TRAFD1: variants seen among roughly 807,000 people sequenced by gnomAD.
The protein encoded by TRAFD1 is TRAF-type zinc finger domain containing 1, also known as TRAF-type zinc finger domain-containing protein 1.
A neutral mutation model predicts 65.3 loss-of-function variants in TRAFD1; 38 were observed. That is an observed-to-expected ratio of 0.58 (90% CI 0.45 to 0.76). TRAFD1 has a LOEUF of 0.76. Ranked by LOEUF, TRAFD1 falls within the 30% of genes least tolerant of loss-of-function variation. The pLI is 0.00. For synonymous variants in TRAFD1, 223 were observed against 257.2 expected (o/e 0.87, Z 1.27); for missense variants, 631 against 712.6 (o/e 0.89, Z 1.30).
In TRAFD1 at chr12:112,152,904, G is replaced by C. The variant is rs73207616; in HGVS notation, c.*113G>C. 7.0e-6 allele frequency: 9 copies of C among 1,287,224 alleles called. No homozygotes were observed. The highest frequency in any genetic ancestry group is 1.5e-5 in the African/African-American group (1 of 66,614). The allele number at this position is 1,287,224 out of a possible 1,614,324, so 79.7% of individuals were successfully genotyped here. A position where few individuals can be genotyped will look rare whatever the true frequency, so the allele number is the denominator to read the frequency against. On this transcript the variant is annotated 3_prime_UTR_variant, in exon 12 of 12. Coordinates refer to ENST00000412615, the MANE Select transcript of TRAFD1 (RefSeq NM_006700.3). The surrounding 1 kb of genome is among the most constrained non-coding windows in gnomAD (Gnocchi z 5.0). ...GGTGGGAGAGTTTTTCCAGATTTTA[G>C]ATTTTTCTAGGTTATGGCCATTTTG...
At position 112,151,916 on chromosome 12, in the gene TRAFD1, A is replaced by G. The variant is rs764020380; in HGVS notation, c.1395A>G (p.Leu465=). ...ATATGACAGCTACCTATAACCAGCT[A>G]TCGAGATCAACATCAGGCCCCAGAC... The part of the protein sequence containing the change: ...INNMTATYNQ[L]SRSTSGPRPG... Residue 465 remains leucine, a synonymous_variant, in exon 10 of 12, where the codon CTA becomes CTG. Coordinates refer to ENST00000412615, the MANE Select transcript of TRAFD1 (RefSeq NM_006700.3). The G allele has an allele frequency of 9.9e-6, 16 of 1,614,096 alleles. No homozygotes were observed. In the Admixed American group the frequency reaches 1.8e-4, roughly 18 times the overall value.
At chr12:112,147,639 T>G (rs1211935093) in intron 7 of TRAFD1, among the ~76,000 whole-genome samples, 2 of 152,176 alleles carry the variant, frequency 1.3e-5, no homozygotes, top group African/African-American at 2.4e-5. Flanking sequence ...TCCTCTTTTT[T>G]GTTCCTCTTT....
chr12:112,149,334 C>G (rs185003459), intron 8 of TRAFD1: 2 of 160,718 alleles, frequency 1.2e-5, no homozygotes, highest in Admixed American at 1.2e-4. Flanking sequence ...AATAAATACT[C>G]TGGTGAGAGT....
intron 1 of TRAFD1, among the ~76,000 whole-genome samples, chr12:112,127,511 G>A (rs1033445999): frequency 2.6e-5 from 4 of 152,112 alleles, no homozygotes. Context: ...CCCGGCTGGA[G>A]TGCAGTGGTG....
rs879762388 is a variant in TRAFD1 at position 112,129,439 on chromosome 12, G to A, written c.-12-1072G>A. Among the ~76,000 whole-genome samples the A allele has an allele frequency of 1.2e-3, 188 of 151,906 alleles. 2 individuals are homozygous for A. Among genetic ancestry groups the A allele is most frequent in the Non-Finnish European group, 5.9e-4 (40 of 67,930 alleles). On this transcript the variant is annotated intron_variant, in intron 1 of 11. Transcript: ENST00000412615. The stretch of plus-strand genomic sequence containing the variant: ...TGATCTTAAACTCCTGGGTTCAAGC[G>A]ATCCTCTTCAGCTCAGCCTCCCAAA...
At chr12:112,149,268 A>AG (rs2030337126) in intron 8 of TRAFD1, 3 of 152,518 alleles carry the variant, frequency 2.0e-5, no homozygotes, top group Non-Finnish European at 4.4e-5. Flanking sequence ...TTGGGATCAA[A>AG]CAGTAGATAA....
chr12:112,144,747 G>A (rs573887271), intron 6 of TRAFD1, among the ~76,000 whole-genome samples: 3 of 152,108 alleles, frequency 2.0e-5, no homozygotes, highest in Non-Finnish European at 4.4e-5. Flanking sequence ...GCTAGGCATG[G>A]TGGCACACAC....
chr12:112,139,792 A>T (rs990020646), intron 4 of TRAFD1, among the ~76,000 whole-genome samples: 13 of 151,646 alleles, frequency 8.6e-5, no homozygotes, highest in Admixed American at 7.2e-4. Context: ...TGAGGATGGG[A>T]GTTTGAGACC....
chr12:112,130,946 G>A lies in TRAFD1; in HGVS notation c.47+377G>A, dbSNP rs2079564065. On this transcript the variant is annotated intron_variant, in intron 2 of 11. Transcript: ENST00000412615. This position sits in a 1 kb window ranked among gnomAD's most constrained non-coding sequence, Gnocchi z 4.4. ...TGTGCTATGTTTACCTTAGCAAACT[G>A]TGGTAGAAAGAGATGTGGAATAAGG... Among the ~76,000 whole-genome samples, 2 of 152,318 alleles carry A rather than the reference G, an allele frequency of 1.3e-5. 1 individual carries two copies. The highest frequency in any genetic ancestry group is 4.8e-5 in the African/African-American group (2 of 41,570).
chr12:112,140,734 A>C, intron 4 of TRAFD1, 85 bp from the exon 5 acceptor site: 1 of 1,487,808 alleles, frequency 6.7e-7, no homozygotes, highest in East Asian at 2.3e-5. Flanking sequence ...AGATTGCAGT[A>C]GATACTCTTG....
At chr12:112,149,647 A>G (rs1159697408) in intron 8 of TRAFD1, 104 bp from the exon 9 acceptor site, 2 of 1,486,566 alleles carry the variant, frequency 1.3e-6, no homozygotes, top group Non-Finnish European at 1.8e-6. Context: ...GAGGTTGTCA[A>G]AGTCCCCCTC....
In TRAFD1 at chr12:112,151,834, A is replaced by G; in HGVS notation, c.1313A>G (p.Lys438Arg). Reference sequence around the variant, plus strand: ...TCTTCTGGTTACCTGGATGATACTAAGCAGGAAACAGCTAATGGGCCCACC... The same window carrying G: ...TCTTCTGGTTACCTGGATGATACTAGGCAGGAAACAGCTAATGGGCCCACC... ...DLSSGYLDDT[K>R]QETANGPTSC... is the part of the protein sequence containing the mutation. The change falls in exon 10 of 12, where the codon AAG becomes AGG. Residue 438 changes from lysine (K) to arginine (R), a missense_variant. Transcript: ENST00000412615. 2 of 1,614,158 alleles carry G rather than the reference A, an allele frequency of 1.2e-6. No individual in the cohort carries two copies. Among genetic ancestry groups the G allele is most frequent in the South Asian group, 1.1e-5 (1 of 91,084 alleles).
Position 112,142,135 on chromosome 12 carries a change from C to T in TRAFD1, c.690C>T (p.Pro230=). ...RQERNRGQQP[P]KEGGEESANL... is the part of the protein sequence containing the mutation. ...AAAGGAATAGAGGCCAACAGCCCCCCAAAGAGGGTGGTGAAGAGAGTGCAA... is the reference window on the plus strand; with the variant it reads ...AAAGGAATAGAGGCCAACAGCCCCCTAAAGAGGGTGGTGAAGAGAGTGCAA... Residue 230 remains proline, a synonymous_variant, in exon 6 of 12, where the codon CCC becomes CCT. Transcript: ENST00000412615. The T allele has an allele frequency of 6.2e-7, 1 of 1,613,904 alleles. No homozygotes were observed.
chr12:112,142,798 T>C (rs1263910204), intron 6 of TRAFD1, among the ~76,000 whole-genome samples: 2 of 152,224 alleles, frequency 1.3e-5, no homozygotes, highest in African/African-American at 4.8e-5. Context: ...TAAAATGTTA[T>C]GTGTTCAAAC....
intron 1 of TRAFD1, among the ~76,000 whole-genome samples, chr12:112,129,111 A>G (rs1211299187): frequency 6.6e-6 from 1 of 151,750 alleles, no homozygotes; most frequent in Admixed American, 6.6e-5. Flanking sequence ...TCCCAAATCA[A>G]AGGAGATTAA....
chr12:112,148,759 A>G (rs2030323622), intron 8 of TRAFD1, among the ~76,000 whole-genome samples: 1 of 152,198 alleles, frequency 6.6e-6, no homozygotes, highest in Non-Finnish European at 1.5e-5. Flanking sequence ...GTCATTTTTC[A>G]GCATTTACAG....
In TRAFD1 at chr12:112,134,881, A is replaced by G. The variant is rs770836861; in HGVS notation, c.183+8A>G. 1 of 1,612,294 alleles carries G rather than the reference A, an allele frequency of 6.2e-7. No homozygotes were observed. Among genetic ancestry groups the G allele is most frequent in the East Asian group, 2.2e-5 (1 of 44,800 alleles). Reference sequence around the variant, plus strand: ...GCTGCAGAACACTGTCAGGTGAGCCACCAAGTACTCAAATGTTTATACATG... The same window carrying G: ...GCTGCAGAACACTGTCAGGTGAGCCGCCAAGTACTCAAATGTTTATACATG... On this transcript the variant is annotated splice_region_variant and intron_variant, in intron 3 of 11. Transcript: ENST00000412615.
In TRAFD1 at chr12:112,137,341, C is replaced by T. The variant is rs1391755655; in HGVS notation, c.237+2275C>T. 4.6e-5 allele frequency among the ~76,000 whole-genome samples: 7 copies of T among 152,204 alleles called. No homozygotes were observed. The highest frequency in any genetic ancestry group is 1.2e-4 in the African/African-American group (5 of 41,456). The stretch of plus-strand genomic sequence containing the variant: ...AGTGCTGTGCCCCTTCAAGGAACCA[C>T]GTGACAGTTTGTTCAGTTGAGCACA... On this transcript the variant is annotated intron_variant, in intron 4 of 11. Coordinates refer to ENST00000412615, the MANE Select transcript of TRAFD1 (RefSeq NM_006700.3). The surrounding 1 kb of genome is among the most constrained non-coding windows in gnomAD (Gnocchi z 4.2).
At chr12:112,134,905 T>C (rs2079588998) in intron 3 of TRAFD1, 32 bp downstream of exon 3, 3 of 1,611,334 alleles carry the variant, frequency 1.9e-6, no homozygotes, top group East Asian at 2.2e-5. Flanking sequence ...TGTTTATACA[T>C]GTGTTATACT....
Sources: allele counts gnomAD v4.1 joint callset (sites outside exome capture counted in the v4.1 genomes callset), GRCh38; gene constraint gnomAD v4.1.1; non-coding constraint Gnocchi (gnomAD v3.1); transcripts MANE v1.5; gene names NCBI Gene and HGNC (gene_info 2026-07-23, HGNC 2026-07-21).